The following ZBTB7A variants were observed in gnomAD, a reference collection of about 807,000 sequenced individuals.
ZBTB7A encodes the protein zinc finger and BTB domain containing 7A.
A neutral mutation model predicts 26.7 loss-of-function variants in ZBTB7A; 7 were observed. The observed-to-expected ratio is 0.26, with a 90% CI of 0.15 to 0.49. ZBTB7A has a LOEUF of 0.49. Ranked by LOEUF, ZBTB7A falls within the 20% of genes least tolerant of loss-of-function variation. The pLI, the probability that ZBTB7A is intolerant of heterozygous loss-of-function variation, is 0.98. For synonymous variants in ZBTB7A, 452 were observed against 441.0 expected (o/e 1.02, Z -0.31); for missense variants, 617 against 919.5 (o/e 0.67, Z 4.25).
rs746058853 is a variant in ZBTB7A, at chr19:4,054,828, G to A, written c.405C>T (p.Asp135=). ...CCAGCTGCCCGGCGTCGGCGCCCGCGTCGGCCGCCAGGATCTGCCGGTCCA... is the reference window on the plus strand; with the variant it reads ...CCAGCTGCCCGGCGTCGGCGCCCGCATCGGCCGCCAGGATCTGCCGGTCCA... ...DLLDRQILAA[D]AGADAGQLDL... Residue 135 remains aspartate (D), a synonymous_variant, in exon 2 of 3, where the codon GAC becomes GAT. Transcript: ENST00000322357. 1.2e-5 allele frequency: 20 copies of A among 1,601,676 alleles called. No individual in the cohort carries two copies. In the East Asian group the frequency reaches 2.7e-4, roughly 22 times the overall value.
At position 4,054,101 on chromosome 19, in the gene ZBTB7A, C is replaced by A; in HGVS notation, c.1132G>T (p.Ala378Ser). The change falls in exon 2 of 3, where the codon GCC (alanine) becomes TCC (serine). Residue 378 changes from alanine (A) to serine (S), a missense_variant. Around this residue, in one of 5 missense-constraint regions of ZBTB7A, gnomAD observed 41 missense variants for 167.6 expected, o/e 0.24. Coordinates refer to ENST00000322357, the MANE Select transcript of ZBTB7A (RefSeq NM_015898.4). ...WSQKVEKKIR[A>S]KAFQKCPICE... Reference sequence around the variant, plus strand: ...ATGGGGCACTTCTGGAAGGCCTTGGCTCGGATCTTCTTCTCCACCTTCTGC... The same window carrying A: ...ATGGGGCACTTCTGGAAGGCCTTGGATCGGATCTTCTTCTCCACCTTCTGC... 6.2e-7 allele frequency: 1 copy of A among 1,610,128 alleles called. No individual in the cohort carries two copies. The highest frequency in any genetic ancestry group is 2.2e-5 in the East Asian group (1 of 44,874).
At chr19:4,058,561 C>A (rs1309274150) in intron 1 of ZBTB7A, among the ~76,000 whole-genome samples, 2 of 152,216 alleles carry the variant, frequency 1.3e-5, no homozygotes, top group African/African-American at 4.8e-5. Context: ...CCCGAGTCAC[C>A]CAGCACAGCT....
rs921073056 is a variant in ZBTB7A at position 4,048,380 on chromosome 19, G to A, written c.1263-136C>T. ...CGGACCGTGCACCAGAGGTTTCGGT[G>A]CCCCGATGGGGACGGTCCCTCGAAA... On this transcript the variant is annotated intron_variant, in intron 2 of 2. Transcript: ENST00000322357. The surrounding 1 kb of genome is among the most constrained non-coding windows in gnomAD (Gnocchi z 6.7). 10 of 1,245,536 alleles carry A rather than the reference G, an allele frequency of 8.0e-6. No homozygotes were observed. Among genetic ancestry groups the A allele is most frequent in the Non-Finnish European group, 1.0e-5 (10 of 957,334 alleles). 77.2% of individuals were successfully genotyped at this position (1,245,536 alleles called of 1,614,324 possible).
In ZBTB7A at chr19:4,052,510, G is replaced by T. The variant is rs1459365113; in HGVS notation, c.1262+1461C>A. Among the ~76,000 whole-genome samples, 1 of 152,112 alleles carries T rather than the reference G, an allele frequency of 6.6e-6. No individual in the cohort carries two copies. Among genetic ancestry groups the T allele is most frequent in the South Asian group, 2.1e-4 (1 of 4,832 alleles). ...GGCCTGCTGGGGAGGGGGCCGGGGT[G>T]CTGGGGAGGGGTCAGTCCCAGTTCC... On this transcript the variant is annotated intron_variant, in intron 2 of 2. Transcript: ENST00000322357. This position sits in a 1 kb window ranked among gnomAD's most constrained non-coding sequence, Gnocchi z 4.9.
chr19:4,060,256 G>A (rs1183325255), intron 1 of ZBTB7A, among the ~76,000 whole-genome samples: 1 of 152,038 alleles, frequency 6.6e-6, no homozygotes, highest in Admixed American at 6.5e-5. Context: ...GCAGCAAACC[G>A]CCGGATAAAC....
At chr19:4,051,033 G>C (rs951954487) in intron 2 of ZBTB7A, among the ~76,000 whole-genome samples, 12 of 140,128 alleles carry the variant, frequency 8.6e-5, no homozygotes, top group Non-Finnish European at 7.6e-5. Context: ...GGGAGGTGGA[G>C]GTTGCAGTGA....
At chr19:4,061,029 C>T (rs1240530366) in intron 1 of ZBTB7A, among the ~76,000 whole-genome samples, 2 of 152,192 alleles carry the variant, frequency 1.3e-5, no homozygotes, top group Admixed American at 1.3e-4. Flanking sequence ...CCTCTGTCTC[C>T]TGGGGGATGG....
intron 2 of ZBTB7A, among the ~76,000 whole-genome samples, chr19:4,049,162 GTGTGTGTA>G (rs1265451849): frequency 1.6e-3 from 30 of 18,432 alleles, no homozygotes; most frequent in African/African-American, 2.9e-3. Context: ...GTGTGTGTGT[GTGTGTGTA>G]TATATATATA....
rs768233972 is a variant in ZBTB7A, at chr19:4,054,039, C to T, written c.1194G>A (p.Pro398=). 24 of 1,612,294 alleles carry T rather than the reference C, an allele frequency of 1.5e-5. No homozygotes were observed. The East Asian group carries it at 3.3e-4, about 22-fold the overall frequency. The change falls in exon 2 of 3, where the codon CCG becomes CCA. Residue 398 remains proline, a synonymous_variant. Coordinates refer to ENST00000322357, the MANE Select transcript of ZBTB7A (RefSeq NM_015898.4). ...CGCCCGTGTGGGTGCGGATGTGTCG[C>T]GGCAGCTTGCCGGCGCCCTGGATGA... The part of the protein sequence containing the change: ...EKVIQGAGKL[P]RHIRTHTGEK...
chr19:4,064,627 C>A (rs897099264), intron 1 of ZBTB7A, among the ~76,000 whole-genome samples: 1 of 152,254 alleles, frequency 6.6e-6, no homozygotes, highest in Non-Finnish European at 1.5e-5. Context: ...GGGTTACGCC[C>A]TGGTCCAGTT....
chr19:4,059,232 C>T (rs2040615005), intron 1 of ZBTB7A, among the ~76,000 whole-genome samples: 1 of 152,200 alleles, frequency 6.6e-6, no homozygotes, highest in Non-Finnish European at 1.5e-5. Context: ...CTGGGCCGTT[C>T]CTCCCCTCGG....
rs764310968 is a variant in ZBTB7A at position 4,054,149 on chromosome 19, C to T, written c.1084G>A (p.Gly362Ser). ...TGCGACCAGGCCGGGTAGACGTCGC[C>T]GTCGTGGGCGCCGCTGAAGTACTTC... ...YLKYFSGAHDGDVYPAWSQKV... is the reference protein window; with the variant it reads ...YLKYFSGAHDSDVYPAWSQKV... The change falls in exon 2 of 3, where the codon GGC becomes AGC. Residue 362 changes from glycine to serine, a missense_variant. Coordinates refer to ENST00000322357, the MANE Select transcript of ZBTB7A (RefSeq NM_015898.4). 24 of 1,603,412 alleles carry T rather than the reference C, an allele frequency of 1.5e-5. No homozygotes were observed. Among genetic ancestry groups the T allele is most frequent in the Middle Eastern group, 1.7e-4 (1 of 6,058 alleles).
intron 2 of ZBTB7A, among the ~76,000 whole-genome samples, chr19:4,051,744 G>T (rs1599252019): frequency 6.6e-6 from 1 of 152,362 alleles, no homozygotes; most frequent in East Asian, 1.9e-4. Flanking sequence ...AGAGGGGATG[G>T]CAGCCACTAG....
At position 4,060,081 on chromosome 19, in the gene ZBTB7A, C is replaced by A. The variant is rs188588969; in HGVS notation, c.-15-4834G>T. Among the ~76,000 whole-genome samples the A allele has an allele frequency of 4.8e-3, 735 of 152,260 alleles. 4 individuals carry two copies. The highest frequency in any genetic ancestry group is 8.7e-3 in the Admixed American group (133 of 15,296). The stretch of plus-strand genomic sequence containing the variant: ...CCATCTTTCATCACAGCTCCTCCCC[C>A]GCGCTGGCCTCCGTGGGATTTCCGG... On this transcript the variant is annotated intron_variant, in intron 1 of 2. Transcript: ENST00000322357.
intron 1 of ZBTB7A, among the ~76,000 whole-genome samples, chr19:4,057,830 G>T (rs1467017934): frequency 6.8e-6 from 1 of 146,162 alleles, no homozygotes. Flanking sequence ...CCTACTTCCC[G>T]CCAGTTCCAC....
In ZBTB7A at chr19:4,047,923, G is replaced by C; in HGVS notation, c.1584C>G (p.Asp528Glu). Reference protein sequence around the residue: ...PGAPAQPSSPDARRNGQEKHF... With the variant: ...PGAPAQPSSPEARRNGQEKHF... ...GCTTCTCCTGGCCGTTGCGCCGGGC[G>C]TCGGGGGAGCTGGGCTGGGCGGGGG... Residue 528 changes from aspartate (D) to glutamate (E), a missense_variant, in exon 3 of 3, where the codon GAC becomes GAG. Around this residue, in one of 5 missense-constraint regions of ZBTB7A, gnomAD observed 136 missense variants for 126.6 expected, o/e 1.07. Coordinates refer to ENST00000322357, the MANE Select transcript of ZBTB7A (RefSeq NM_015898.4). The C allele has an allele frequency of 1.3e-6, 2 of 1,512,732 alleles. No individual in the cohort carries two copies. Among genetic ancestry groups the C allele is most frequent in the Non-Finnish European group, 8.9e-7 (1 of 1,129,932 alleles). The allele number at this position is 1,512,732 out of a possible 1,614,324, so 93.7% of individuals were successfully genotyped here.
rs755805315 is a variant in ZBTB7A at position 4,047,711 on chromosome 19, GTCTC to G, written c.*37_*40del. 20 of 1,566,564 alleles carry G rather than the reference GTCTC, an allele frequency of 1.3e-5. No individual in the cohort carries two copies. The African/African-American group carries it at 2.7e-4, about 21-fold the overall frequency. ...TGGGTGATTTTTTTTCTCTCTCTCT[GTCTC>G]TCTCTTTCTCGGGTTTCTGTTTTCT... On this transcript the variant is annotated 3_prime_UTR_variant, in exon 3 of 3. Coordinates refer to ENST00000322357, the MANE Select transcript of ZBTB7A (RefSeq NM_015898.4).
chr19:4,062,582 C>G (rs1278002108), intron 1 of ZBTB7A: 1 of 152,292 alleles, frequency 6.6e-6, no homozygotes, highest in African/African-American at 2.4e-5. Context: ...GCCTGCCTAA[C>G]TAGTCCTCCC....
At chr19:4,061,952 C>T (rs1387731281) in intron 1 of ZBTB7A, 1 of 152,294 alleles carries the variant, frequency 6.6e-6, no homozygotes, top group African/African-American at 2.4e-5. Context: ...CCATCCTTGT[C>T]CACCCTGCCA....
Sources: allele counts gnomAD v4.1 joint callset (sites outside exome capture counted in the v4.1 genomes callset), GRCh38; gene constraint gnomAD v4.1.1; regional missense constraint gnomAD v4.1.1; non-coding constraint Gnocchi (gnomAD v3.1); transcripts MANE v1.5; gene names NCBI Gene and HGNC (gene_info 2026-07-23, HGNC 2026-07-21).